The following CMSS1 variants were observed in gnomAD, a reference collection of about 807,000 sequenced individuals.
The protein encoded by CMSS1 is protein CMSS1.
A neutral mutation model predicts 43.5 loss-of-function variants in CMSS1; 33 were observed. The observed-to-expected ratio is 0.76, with a 90% confidence interval of 0.57 to 1.01. The LOEUF is 1.01. Among genes scored for constraint, CMSS1 ranks in the 50% least tolerant of loss-of-function variants. The pLI, the probability that CMSS1 is intolerant of heterozygous loss-of-function variation, is 0.00. For synonymous variants in CMSS1, 115 were observed against 117.2 expected (o/e 0.98, Z 0.12); for missense variants, 313 against 326.4 (o/e 0.96, Z 0.32).
In CMSS1 at chr3:99,840,206, A is replaced by T. The variant is rs114495150; in HGVS notation, c.64+22163A>T. On this transcript the variant is annotated intron_variant, in intron 1 of 9. Transcript: ENST00000421999. The stretch of plus-strand genomic sequence containing the variant: ...GCTGATAGGATTAGGGGTAAAAGAA[A>T]TTAATTCGTAGAATCTTTTTTTTTT... Among the ~76,000 whole-genome samples, 995 of 149,142 alleles carry T rather than the reference A, an allele frequency of 6.7e-3. 15 individuals are homozygous for T. The highest frequency in any genetic ancestry group is 0.023 in the African/African-American group (920 of 40,442).
At chr3:100,124,868 G>A (rs1000908046) in intron 1 of CMSS1, among the ~76,000 whole-genome samples, 15 of 148,062 alleles carry the variant, frequency 1.0e-4, no homozygotes, top group African/African-American at 3.0e-4. Context: ...AGATGTATAT[G>A]CGTTCACATG....
intron 1 of CMSS1, among the ~76,000 whole-genome samples, chr3:99,968,607 T>C (rs1024107779): frequency 1.3e-5 from 2 of 151,922 alleles, no homozygotes; most frequent in Non-Finnish European, 2.9e-5. Flanking sequence ...AAGGAGAATA[T>C]ATAGAATGAA....
intron 1 of CMSS1, among the ~76,000 whole-genome samples, chr3:99,827,245 G>T (rs1304170925): frequency 6.6e-6 from 1 of 152,136 alleles, no homozygotes; most frequent in Non-Finnish European, 1.5e-5. Context: ...AGGCTATAGT[G>T]CAGTGGCATG....
intron 1 of CMSS1, among the ~76,000 whole-genome samples, chr3:100,065,918 G>A (rs771291905): frequency 4.6e-5 from 7 of 152,158 alleles, no homozygotes; most frequent in Non-Finnish European, 8.8e-5. Flanking sequence ...GCATCACCTG[G>A]GGACTTTTCA....
At chr3:99,930,895 A>C (rs1408344290) in intron 1 of CMSS1, 1 of 1,613,362 alleles carries the variant, frequency 6.2e-7, no homozygotes, top group Non-Finnish European at 8.5e-7. Flanking sequence ...CATCCGACTC[A>C]CTGGGGGAGT....
chr3:100,001,775 T>G (rs1709849030), intron 1 of CMSS1, among the ~76,000 whole-genome samples: 1 of 152,216 alleles, frequency 6.6e-6, no homozygotes, highest in Non-Finnish European at 1.5e-5. Flanking sequence ...GTCTGCCAAG[T>G]CTTTGCTGCC....
At chr3:99,904,248 A>G (rs140172793) in intron 1 of CMSS1, among the ~76,000 whole-genome samples, 1 of 152,340 alleles carries the variant, frequency 6.6e-6, no homozygotes, top group African/African-American at 2.4e-5. Flanking sequence ...TCACCATTAG[A>G]ATGTGCTTAT....
intron 4 of CMSS1, among the ~76,000 whole-genome samples, chr3:100,165,697 A>G (rs950378077): frequency 6.6e-6 from 1 of 152,174 alleles, no homozygotes; most frequent in African/African-American, 2.4e-5. Flanking sequence ...GCTATCACAA[A>G]TAATGTCAGG....
chr3:99,960,029 C>G (rs771589022), intron 1 of CMSS1, among the ~76,000 whole-genome samples: 9 of 152,148 alleles, frequency 5.9e-5, no homozygotes, highest in Non-Finnish European at 1.3e-4. Flanking sequence ...TGCCTCCCTC[C>G]TTCATTTATA....
intron 1 of CMSS1, among the ~76,000 whole-genome samples, chr3:99,967,448 T>C (rs1489468095): frequency 6.6e-6 from 1 of 152,222 alleles, no homozygotes; most frequent in Non-Finnish European, 1.5e-5. Flanking sequence ...CTGAATTTAA[T>C]GCATTGCAGG....
chr3:99,926,226 C>G (rs1707288776), intron 1 of CMSS1, among the ~76,000 whole-genome samples: 1 of 152,218 alleles, frequency 6.6e-6, no homozygotes, highest in Non-Finnish European at 1.5e-5. Context: ...ACTGAGGTGT[C>G]CCAGCATATA....
chr3:99,853,825 A>G (rs1490566240), intron 1 of CMSS1, among the ~76,000 whole-genome samples: 3 of 152,220 alleles, frequency 2.0e-5, no homozygotes, highest in Admixed American at 2.0e-4. Context: ...CTAGTCTAGT[A>G]AAGCCTGTCG....
At chr3:99,991,086 G>T (rs979789707) in intron 1 of CMSS1, among the ~76,000 whole-genome samples, 2 of 152,140 alleles carry the variant, frequency 1.3e-5, no homozygotes, top group Non-Finnish European at 2.9e-5. Flanking sequence ...GGTCAGTCCT[G>T]ACATAAGACC....
At position 99,918,122 on chromosome 3, in the gene CMSS1, C is replaced by T. The variant is rs1265160867; in HGVS notation, c.64+100079C>T. On this transcript the variant is annotated intron_variant, in intron 1 of 9. Transcript: ENST00000421999. Reference sequence around the variant, plus strand: ...CCTCCTGAGTAGCTGGGATTACAGGCGCGCGGCACCACGCCCGGCTAATTT... The same window carrying T: ...CCTCCTGAGTAGCTGGGATTACAGGTGCGCGGCACCACGCCCGGCTAATTT... Among the ~76,000 whole-genome samples the T allele has an allele frequency of 5.3e-5, 8 of 152,096 alleles. No homozygotes were observed. The South Asian group carries it at 6.2e-4, about 12-fold the overall frequency.
chr3:100,043,262 A>G (rs1174342049), intron 1 of CMSS1, among the ~76,000 whole-genome samples: 1 of 152,214 alleles, frequency 6.6e-6, no homozygotes, highest in Non-Finnish European at 1.5e-5. Context: ...GAAAAGAGAA[A>G]ATATATGCAG....
chr3:99,840,953 C>T (rs1943105255), intron 1 of CMSS1, among the ~76,000 whole-genome samples: 1 of 152,174 alleles, frequency 6.6e-6, no homozygotes, highest in African/African-American at 2.4e-5. Flanking sequence ...CAGTTTCCCA[C>T]TTGATTAAAT....
At chr3:99,991,204 A>G (rs1709501117) in intron 1 of CMSS1, among the ~76,000 whole-genome samples, 1 of 152,198 alleles carries the variant, frequency 6.6e-6, no homozygotes, top group Non-Finnish European at 1.5e-5. Flanking sequence ...TAAGCAGCCT[A>G]TTCTTCTTTA....
At chr3:100,055,704 A>G (rs1048865913) in intron 1 of CMSS1, among the ~76,000 whole-genome samples, 1 of 152,216 alleles carries the variant, frequency 6.6e-6, no homozygotes, top group African/African-American at 2.4e-5. Context: ...GTAGTCAAAC[A>G]TTCTTGAGAG....
chr3:99,938,074 TGC>T (rs57534383), intron 1 of CMSS1, among the ~76,000 whole-genome samples: 31,256 of 84,838 alleles, frequency 0.37, 3,343 homozygotes, highest in Middle Eastern at 0.44. Flanking sequence ...TGTGTGTGTG[TGC>T]GCGCGCGCGC....
Sources: gnomAD v4.1 joint callset for allele counts (sites outside exome capture counted in the v4.1 genomes callset) on GRCh38, gnomAD v4.1.1 for gene constraint, MANE v1.5 for transcripts, NCBI Gene and HGNC (gene_info 2026-07-23, HGNC 2026-07-21) for gene names.